Variants in PDE3B observed in about 807,000 individuals in gnomAD.
PDE3B encodes phosphodiesterase 3B, also known as cGMP-inhibited 3',5'-cyclic phosphodiesterase 3B.
PDE3B carries 66 observed loss-of-function variants against 116.8 expected under a neutral mutation model. The observed-to-expected ratio is 0.56, with a 90% CI of 0.46 to 0.69. The LOEUF (loss-of-function observed/expected upper bound fraction) is 0.69. PDE3B is among the 30% of genes least tolerant of loss of function. The pLI, the probability that PDE3B is intolerant of heterozygous loss-of-function variation, is 0.00. For missense variants in PDE3B, 1,384 were observed against 1,368.1 expected (o/e 1.01, Z -0.18); for synonymous variants, 595 against 533.6 (o/e 1.12, Z -1.59).
At chr11:14,755,569 A>G (rs929117809) in intron 1 of PDE3B, among the ~76,000 whole-genome samples, 1 of 152,208 alleles carries the variant, frequency 6.6e-6, no homozygotes, top group African/African-American at 2.4e-5. Context: ...GTAAAATCTC[A>G]TTACAGATGA....
At chr11:14,675,593 C>T (rs1166874972) in intron 1 of PDE3B, among the ~76,000 whole-genome samples, 2 of 151,986 alleles carry the variant, frequency 1.3e-5, no homozygotes, top group East Asian at 1.9e-4. Flanking sequence ...GTTTTTTAAC[C>T]TCTTTAAATA....
chr11:14,830,779 G>C lies in PDE3B; in HGVS notation c.1889G>C (p.Ser630Thr). The C allele has an allele frequency of 6.5e-7, 1 of 1,542,938 alleles. No homozygotes were observed. The highest frequency in any genetic ancestry group is 8.7e-7 in the Non-Finnish European group (1 of 1,150,062). The change falls in exon 8 of 16, where the codon AGC (serine) becomes ACC (threonine). Residue 630 changes from serine to threonine, a missense_variant. Around this residue, in one of 2 missense-constraint regions of PDE3B, gnomAD observed 956 missense variants for 806.8 expected, o/e 1.18. Transcript: ENST00000282096. ...GAAGAGGAAACAGAGAAGAAAGACA[G>C]CAGAAAATTATTTCAGGAAGGTGAT... is the stretch of plus-strand genomic sequence containing the variant. ...QQEEETEKKD[S>T]RKLFQEGDKW...
At chr11:14,876,410 T>C (rs534290600), downstream of PDE3B, among the ~76,000 whole-genome samples, 1 of 152,272 alleles carries the variant, frequency 6.6e-6, no homozygotes, top group Non-Finnish European at 1.5e-5. Flanking sequence ...GCTTAGCAAG[T>C]GAGGCAGACA....
intron 1 of PDE3B, among the ~76,000 whole-genome samples, chr11:14,689,072 C>A (rs1383564471): frequency 6.6e-6 from 1 of 152,096 alleles, no homozygotes; most frequent in Admixed American, 6.6e-5. Context: ...TGTATGCGTC[C>A]CACATATTTG....
chr11:14,885,139 C>A, the PDE3B span, among the ~76,000 whole-genome samples: 1 of 152,124 alleles, frequency 6.6e-6, no homozygotes, highest in African/African-American at 2.4e-5. Context: ...GAATTTAGGA[C>A]ACAACTTTAG....
chr11:14,896,189 A>G, the PDE3B span, among the ~76,000 whole-genome samples: 1 of 152,272 alleles, frequency 6.6e-6, no homozygotes, highest in Non-Finnish European at 1.5e-5. Context: ...TTGTGTTTCA[A>G]AAAAATAGAA....
At chr11:14,774,505 G>C (rs1481682841) in intron 2 of PDE3B, 3 of 152,150 alleles carry the variant, frequency 2.0e-5, no homozygotes, top group Non-Finnish European at 4.4e-5. Flanking sequence ...AGCATTTGCT[G>C]GAAACATATG....
At chr11:14,884,622 G>T in the PDE3B span, among the ~76,000 whole-genome samples, 1 of 151,614 alleles carries the variant, frequency 6.6e-6, no homozygotes, top group Non-Finnish European at 1.5e-5. Flanking sequence ...CATGGCACAT[G>T]TATACATATG....
At chr11:14,814,130 A>G (rs900308193) in intron 5 of PDE3B, among the ~76,000 whole-genome samples, 2 of 152,160 alleles carry the variant, frequency 1.3e-5, no homozygotes, top group Admixed American at 6.5e-5. Flanking sequence ...CTGATAAAGT[A>G]TCTATCAAAA....
chr11:14,886,948 C>T, the PDE3B span: 1 of 152,244 alleles, frequency 6.6e-6, no homozygotes, highest in Non-Finnish European at 1.5e-5. Flanking sequence ...GTCTTTGGCA[C>T]ACGGGTGGGC....
At chr11:14,813,062 T>G (rs1389920805) in intron 5 of PDE3B, among the ~76,000 whole-genome samples, 2 of 152,208 alleles carry the variant, frequency 1.3e-5, no homozygotes, top group African/African-American at 4.8e-5. Flanking sequence ...CATCTGCCAG[T>G]GCCTTGATCT....
At chr11:14,853,830 G>A (rs1295332085) in intron 12 of PDE3B, among the ~76,000 whole-genome samples, 3 of 152,202 alleles carry the variant, frequency 2.0e-5, no homozygotes, top group African/African-American at 4.8e-5. Context: ...TTCCAAATGA[G>A]AAGTTGGCTG....
intron 1 of PDE3B, among the ~76,000 whole-genome samples, chr11:14,726,156 T>C (rs569937622): frequency 4.2e-4 from 64 of 152,346 alleles, no homozygotes; most frequent in African/African-American, 1.5e-3. Flanking sequence ...TGTTCAGCTG[T>C]GATCTTATGA....
chr11:14,779,144 G>A (rs1857889331), intron 2 of PDE3B, among the ~76,000 whole-genome samples: 1 of 152,108 alleles, frequency 6.6e-6, no homozygotes, highest in African/African-American at 2.4e-5. Context: ...AATGAGCAAA[G>A]CCTCCAAGAA....
At chr11:14,699,089 T>C (rs1439442354) in intron 1 of PDE3B, 1 of 152,020 alleles carries the variant, frequency 6.6e-6, no homozygotes, top group African/African-American at 2.4e-5. Context: ...TATAATTCTG[T>C]TGGCTCTGTC....
At chr11:14,737,662 A>AACAT (rs1856640236) in intron 1 of PDE3B, among the ~76,000 whole-genome samples, 1 of 152,174 alleles carries the variant, frequency 6.6e-6, no homozygotes. Context: ...ACACATGCAC[A>AACAT]ATGTGCAGGT....
chr11:14,737,864 C>T (rs1291597348), intron 1 of PDE3B, among the ~76,000 whole-genome samples: 13 of 144,158 alleles, frequency 9.0e-5, no homozygotes, highest in Middle Eastern at 3.4e-3. Context: ...TGAGAACATG[C>T]GGTGTTTGGT....
chr11:14,865,691 T>G (rs927911389), intron 14 of PDE3B, among the ~76,000 whole-genome samples: 5 of 152,172 alleles, frequency 3.3e-5, no homozygotes, highest in Admixed American at 2.6e-4. Flanking sequence ...TTACCTAATT[T>G]GTAAGATTAT....
chr11:14,753,214 A>G (rs998415148), intron 1 of PDE3B, among the ~76,000 whole-genome samples: 8 of 152,168 alleles, frequency 5.3e-5, no homozygotes, highest in African/African-American at 1.7e-4. Flanking sequence ...AATTACAAGC[A>G]TATTTTCAGT....
Sources: allele counts gnomAD v4.1 joint callset (sites outside exome capture counted in the v4.1 genomes callset), GRCh38; gene constraint gnomAD v4.1.1; regional missense constraint gnomAD v4.1.1; transcripts MANE v1.5; gene names NCBI Gene and HGNC (gene_info 2026-07-23, HGNC 2026-07-21).